LPIN2: variants seen among roughly 807,000 people sequenced by gnomAD.
LPIN2 encodes the protein phosphatidate phosphatase LPIN2.
Under a neutral mutation model 111.4 loss-of-function variants are expected in LPIN2, and 55 were observed. That is an observed-to-expected ratio of 0.49 (90% CI 0.40 to 0.62). LPIN2 has a LOEUF of 0.62. Among genes scored for constraint, LPIN2 ranks in the 20% least tolerant of loss-of-function variants. The pLI, the probability that LPIN2 is intolerant of heterozygous loss-of-function variation, is 0.00. For synonymous variants in LPIN2, 425 were observed against 414.0 expected (o/e 1.03, Z -0.32); for missense variants, 992 against 1,112.1 (o/e 0.89, Z 1.54).
At chr18:3,006,036 C>T (rs1057262655) in intron 1 of LPIN2, among the ~76,000 whole-genome samples, 1 of 152,112 alleles carries the variant, frequency 6.6e-6, no homozygotes, top group Non-Finnish European at 1.5e-5. Flanking sequence ...TGGCCTCTGG[C>T]AAATCTCTTT....
At chr18:2,959,875 A>T (rs1205266560) in intron 2 of LPIN2, among the ~76,000 whole-genome samples, 2 of 152,144 alleles carry the variant, frequency 1.3e-5, no homozygotes, top group African/African-American at 2.4e-5. Context: ...TAAAAAAAAA[A>T]ATATGGCCAG....
intron 15 of LPIN2, among the ~76,000 whole-genome samples, 195 bp downstream of exon 15, chr18:2,924,203 G>A (rs1420632779): frequency 1.3e-5 from 2 of 152,100 alleles, no homozygotes; most frequent in African/African-American, 4.8e-5. Flanking sequence ...CATTTGTTAT[G>A]CACCCTCACC....
intron 4 of LPIN2, among the ~76,000 whole-genome samples, chr18:2,941,941 T>C (rs2077372580): frequency 6.6e-6 from 1 of 152,058 alleles, no homozygotes; most frequent in Admixed American, 6.5e-5. Flanking sequence ...AACAAAACTC[T>C]GCAAAGCATA....
chr18:2,997,745 C>A (rs1469509695), intron 1 of LPIN2, among the ~76,000 whole-genome samples: 4 of 152,230 alleles, frequency 2.6e-5, no homozygotes, highest in African/African-American at 9.6e-5. Context: ...GCTTACTTAG[C>A]TGATGTCACA....
At chr18:2,958,050 G>A (rs888146960) in intron 2 of LPIN2, among the ~76,000 whole-genome samples, 1 of 147,244 alleles carries the variant, frequency 6.8e-6, no homozygotes, top group African/African-American at 2.5e-5. Flanking sequence ...GCTGAGGCAG[G>A]AGAAACGCTT....
intron 3 of LPIN2, among the ~76,000 whole-genome samples, chr18:2,952,877 C>T (rs907006275): frequency 6.6e-6 from 1 of 152,104 alleles, no homozygotes; most frequent in Non-Finnish European, 1.5e-5. Context: ...ATTAAAAGCA[C>T]AGAGTTAGGT....
In LPIN2 at chr18:2,920,190, C is replaced by G. The variant is rs1180871781; in HGVS notation, c.*103G>C. On this transcript the variant is annotated 3_prime_UTR_variant, in exon 20 of 20. Transcript: ENST00000677752. ...CGGGACCAGCTCCAGAAGCACCCGT[C>G]CCCGCTGGGGAAGGCTGGTATCTGA... 1.2e-5 allele frequency: 18 copies of G among 1,509,706 alleles called. No individual in the cohort carries two copies. Among genetic ancestry groups the G allele is most frequent in the Non-Finnish European group, 1.6e-5 (18 of 1,091,214 alleles). The allele number at this position is 1,509,706 out of a possible 1,614,324, so 93.5% of individuals were successfully genotyped here. A position where few individuals can be genotyped will look rare whatever the true frequency, so the allele number is the denominator to read the frequency against.
intron 1 of LPIN2, among the ~76,000 whole-genome samples, chr18:3,010,252 A>C (rs548820411): frequency 1.3e-5 from 2 of 151,178 alleles, no homozygotes; most frequent in African/African-American, 4.9e-5. Context: ...CAAAAATCAC[A>C]GTTAATTACC....
chr18:2,973,210 C>T (rs2077951833), intron 1 of LPIN2, among the ~76,000 whole-genome samples: 1 of 151,978 alleles, frequency 6.6e-6, no homozygotes, highest in Admixed American at 6.5e-5. Flanking sequence ...AAAAAAAAAG[C>T]ATACACTTTA....
chr18:2,965,712 AGAGT>A (rs1041566704), intron 1 of LPIN2, among the ~76,000 whole-genome samples: 1 of 132,584 alleles, frequency 7.5e-6, no homozygotes, highest in Non-Finnish European at 1.6e-5. Flanking sequence ...CCTGGGTGAC[AGAGT>A]GAGACTCCCA....
intron 1 of LPIN2, among the ~76,000 whole-genome samples, chr18:2,996,415 T>G (rs2078342835): frequency 6.6e-6 from 1 of 151,392 alleles, no homozygotes; most frequent in Non-Finnish European, 1.5e-5. Context: ...TCAACAGGCA[T>G]GGTGACGTTG....
chr18:3,010,813 G>T lies in LPIN2; in HGVS notation c.-10+2274C>A, dbSNP rs567434372. 2.6e-5 allele frequency among the ~76,000 whole-genome samples: 4 copies of T among 152,190 alleles called. No homozygotes were observed. The East Asian group carries it at 7.7e-4, about 29-fold the overall frequency. Reference sequence around the variant, plus strand: ...TTAGGAAATAAGTACCCAAGGCATAGAAAAATCGCTGACACAGAGAACCAA... The same window carrying T: ...TTAGGAAATAAGTACCCAAGGCATATAAAAATCGCTGACACAGAGAACCAA... On this transcript the variant is annotated intron_variant, in intron 1 of 19. Transcript: ENST00000677752.
intron 1 of LPIN2, among the ~76,000 whole-genome samples, chr18:2,992,784 C>T (rs1020008125): frequency 1.3e-5 from 2 of 151,928 alleles, no homozygotes; most frequent in Non-Finnish European, 1.5e-5. Flanking sequence ...GAGATGGAGA[C>T]CGTCCTGGCT....
chr18:2,967,727 C>T (rs2077830572), intron 1 of LPIN2: 5 of 152,224 alleles, frequency 3.3e-5, no homozygotes, highest in Admixed American at 3.3e-4. Context: ...GGAATCCAGC[C>T]TTTCCGAGGG....
In LPIN2 at chr18:2,925,258, T is replaced by C. The variant is rs747422654; in HGVS notation, c.1904A>G (p.Tyr635Cys). ...TGAGGAGAGGCGGAGAGACTTCTTA[T>C]ATGAAGTTGTGCTGCCGTGGCTCAG... ...EPLSHGSTTS[Y>C]KKSLRLSSDQ... The change falls in exon 14 of 20, where the codon TAT becomes TGT. Residue 635 changes from tyrosine to cysteine, a missense_variant. Transcript: ENST00000677752. This position sits in a 1 kb window ranked among gnomAD's most constrained non-coding sequence, Gnocchi z 4.1. The C allele has an allele frequency of 2.4e-5, 39 of 1,614,166 alleles. No homozygotes were observed. In the South Asian group the frequency reaches 4.0e-4, roughly 16 times the overall value.
rs1354051832 is a variant in LPIN2 at position 2,919,250 on chromosome 18, T to A, written c.*1043A>T. On this transcript the variant is annotated 3_prime_UTR_variant, in exon 20 of 20. Coordinates refer to ENST00000677752, the MANE Select transcript of LPIN2 (RefSeq NM_001375808.2). ...CTCCATAGGAGCTCCAAGACCCCTC[T>A]TTGACGCTGCTTCCACGGGCCCGAT... 1.3e-5 allele frequency: 2 copies of A among 152,290 alleles called. No homozygotes were observed. The highest frequency in any genetic ancestry group is 2.9e-5 in the Non-Finnish European group (2 of 68,106). 9.4% of individuals were successfully genotyped at this position (152,290 alleles called of 1,614,324 possible).
chr18:2,967,027 G>A (rs1383750415), intron 1 of LPIN2: 1 of 152,072 alleles, frequency 6.6e-6, no homozygotes, highest in East Asian at 1.9e-4. Context: ...ACTCCTTCAG[G>A]ACACCCATGA....
chr18:2,928,677 T>G lies in LPIN2; in HGVS notation c.1551-17A>C. 1 of 1,610,712 alleles carries G rather than the reference T, an allele frequency of 6.2e-7. No individual in the cohort carries two copies. Among genetic ancestry groups the G allele is most frequent in the Non-Finnish European group, 8.5e-7 (1 of 1,177,110 alleles). ...TTATAGTAACTGTGAGAAACAAAAA[T>G]TGTGCAAAACCATTACACAGTGAAA... is the stretch of plus-strand genomic sequence containing the variant. On this transcript the variant is annotated splice_polypyrimidine_tract_variant and intron_variant, in intron 10 of 19. Coordinates refer to ENST00000677752, the MANE Select transcript of LPIN2 (RefSeq NM_001375808.2).
At position 2,936,955 on chromosome 18, in the gene LPIN2, T is replaced by C. The variant is rs73936868; in HGVS notation, c.1168+737A>G. Among the ~76,000 whole-genome samples the C allele has an allele frequency of 4.0e-3, 613 of 152,306 alleles. 10 individuals carry two copies. Among genetic ancestry groups the C allele is most frequent in the African/African-American group, 0.014 (585 of 41,536 alleles). ...ATCATAATTAGTATGCATTGATTTT[T>C]ATCTGATATTACTGCTAAAAAACCT... is the stretch of plus-strand genomic sequence containing the variant. On this transcript the variant is annotated intron_variant, in intron 7 of 19. Transcript: ENST00000677752.
Sources: gnomAD v4.1 joint callset for allele counts (sites outside exome capture counted in the v4.1 genomes callset) on GRCh38, gnomAD v4.1.1 for gene constraint, Gnocchi (gnomAD v3.1) non-coding constraint, MANE v1.5 for transcripts, NCBI Gene and HGNC (gene_info 2026-07-23, HGNC 2026-07-21) for gene names.